CFI: variants seen among roughly 807,000 people sequenced by gnomAD.
CFI encodes complement factor I.
A neutral mutation model predicts 78.8 loss-of-function variants in CFI; 66 were observed. The ratio of observed to expected loss-of-function variants is 0.84; its 90% CI spans 0.69 to 1.03. The LOEUF (loss-of-function observed/expected upper bound fraction) is 1.03. CFI is among the 50% of genes least tolerant of loss of function. The pLI is 0.00. For synonymous variants in CFI, 250 were observed against 232.6 expected (o/e 1.07, Z -0.68); for missense variants, 706 against 704.5 (o/e 1.00, Z -0.02).
chr4:109,738,032 C>A (rs76335033), downstream of CFI, among the ~76,000 whole-genome samples: 1 of 152,004 alleles, frequency 6.6e-6, no homozygotes, highest in South Asian at 2.1e-4. Flanking sequence ...TGGCTTGGCC[C>A]TTTTGGGGGC....
rs371791345 is a variant in CFI, at chr4:109,775,476, T to A, written c.58-8652A>T. ...AGGGGCGTCTGCCATTGCTGAGGCT[T>A]GAGTAGGTAAACAAAGCATCCTGGA... is the stretch of plus-strand genomic sequence containing the variant. On this transcript the variant is annotated intron_variant, in intron 1 of 12. Transcript: ENST00000394634. Among the ~76,000 whole-genome samples the A allele has an allele frequency of 2.3e-3, 345 of 152,260 alleles. 1 individual carries two copies. The highest frequency in any genetic ancestry group is 7.4e-3 in the African/African-American group (309 of 41,558).
At chr4:109,781,829 T>C (rs188321656) in intron 1 of CFI, among the ~76,000 whole-genome samples, 41 of 152,282 alleles carry the variant, frequency 2.7e-4, no homozygotes, top group African/African-American at 9.1e-4. Flanking sequence ...GTAGGCTTCA[T>C]ACCAGGGATG....
chr4:109,736,394 C>T (rs1221677279), downstream of CFI, among the ~76,000 whole-genome samples: 1 of 150,932 alleles, frequency 6.6e-6, no homozygotes, highest in African/African-American at 2.4e-5. Flanking sequence ...CGCACCAAGG[C>T]TAGAAGTTTC....
chr4:109,772,079 C>T (rs1006605016), intron 1 of CFI, among the ~76,000 whole-genome samples: 2 of 152,190 alleles, frequency 1.3e-5, no homozygotes, highest in Non-Finnish European at 2.9e-5. Context: ...TTTTAAATTT[C>T]AGATGGATGG....
chr4:109,775,275 C>T (rs1422285011), intron 1 of CFI, among the ~76,000 whole-genome samples: 1 of 152,128 alleles, frequency 6.6e-6, no homozygotes, highest in East Asian at 1.9e-4. Context: ...CAGATGGTAC[C>T]TGGAAAATTG....
intron 12 of CFI, chr4:109,741,783 GTC>G (rs1723825417): frequency 5.8e-5 from 9 of 155,130 alleles, no homozygotes; most frequent in African/African-American, 2.2e-4. Flanking sequence ...GTTATAGGAT[GTC>G]AATAACTGCC....
At chr4:109,800,608 C>T (rs1247886837) in intron 1 of CFI, among the ~76,000 whole-genome samples, 4 of 151,970 alleles carry the variant, frequency 2.6e-5, no homozygotes, top group African/African-American at 9.7e-5. Flanking sequence ...CCCCTAGTTT[C>T]CTTGTCTGAG....
chr4:109,773,541 G>C (rs770274785), intron 1 of CFI, among the ~76,000 whole-genome samples: 2 of 152,122 alleles, frequency 1.3e-5, no homozygotes, highest in African/African-American at 2.4e-5. Context: ...AAATTGTTGT[G>C]TTTTAGCCAC....
At chr4:109,768,353 AGAAAAAAAG>A (rs1728079422) in intron 1 of CFI, among the ~76,000 whole-genome samples, 1 of 150,342 alleles carries the variant, frequency 6.7e-6, no homozygotes, top group African/African-American at 2.4e-5. Context: ...AAAAAAAAAA[AGAAAAAAAG>A]AATCAGACAA....
chr4:109,756,955 AAGAAAG>A (rs1726353085), intron 7 of CFI, among the ~76,000 whole-genome samples: 1 of 144,618 alleles, frequency 6.9e-6, no homozygotes, highest in East Asian at 2.0e-4. Context: ...GAAAGAAAGA[AAGAAAG>A]AAAGAAAGAA....
At position 109,740,881 on chromosome 4, in the gene CFI, G is replaced by C; in HGVS notation, c.*12C>G. 6.3e-7 allele frequency: 1 copy of C among 1,597,966 alleles called. No homozygotes were observed. The highest frequency in any genetic ancestry group is 1.7e-5 in the Admixed American group (1 of 59,990). On this transcript the variant is annotated 3_prime_UTR_variant, in exon 13 of 13. Transcript: ENST00000394634. ...AGAGAAAAAGAATAGAATGAAGAGA[G>C]AGATCACAATTTTATACATTGTACT... is the stretch of plus-strand genomic sequence containing the variant.
intron 1 of CFI, among the ~76,000 whole-genome samples, chr4:109,797,680 A>G (rs545715466): frequency 1.2e-4 from 19 of 152,342 alleles, no homozygotes; most frequent in Admixed American, 4.6e-4. Flanking sequence ...GTTAATATCT[A>G]TCTAAAATAC....
intron 10 of CFI, 141 bp from the exon 11 acceptor site, chr4:109,746,643 A>G (rs1266070634): frequency 7.2e-6 from 5 of 691,814 alleles, no homozygotes; most frequent in Non-Finnish European, 1.2e-5. Flanking sequence ...GTCATGAAGC[A>G]ATGAGATTAA....
chr4:109,754,429 ATCT>A (rs1725862997), intron 7 of CFI, among the ~76,000 whole-genome samples: 1 of 129,522 alleles, frequency 7.7e-6, no homozygotes, highest in Admixed American at 8.1e-5. Flanking sequence ...AAAAAAAAGA[ATCT>A]TCTTTTTTTT....
At chr4:109,800,521 C>G (rs1732650807) in intron 1 of CFI, among the ~76,000 whole-genome samples, 1 of 151,650 alleles carries the variant, frequency 6.6e-6, no homozygotes, top group Admixed American at 6.6e-5. Flanking sequence ...TGAACATCCT[C>G]TGGTTATTCC....
chr4:109,784,835 C>G (rs1483555187), intron 1 of CFI, among the ~76,000 whole-genome samples: 3 of 152,060 alleles, frequency 2.0e-5, no homozygotes, highest in Admixed American at 6.6e-5. Context: ...TGAGCCCAAG[C>G]TAAGCCATCA....
Position 109,740,930 on chromosome 4 carries a change from T to C in CFI, c.1715A>G (p.His572Arg), listed in dbSNP as rs1228689741. ...CTGAGAAATAAAAGGCCTTCCTACATGGTAGCTAATCCAGTCAAAATAATT... is the reference window on the plus strand; with the variant it reads ...CTGAGAAATAAAAGGCCTTCCTACACGGTAGCTAATCCAGTCAAAATAATT... ...VANYFDWISY[H>R]VGRPFISQYN... Residue 572 changes from histidine to arginine, a missense_variant, in exon 13 of 13, where the codon CAT becomes CGT. His to Arg is a conservative substitution (Grantham distance 29). Coordinates refer to ENST00000394634, the MANE Select transcript of CFI (RefSeq NM_000204.5). 2.5e-6 allele frequency: 4 copies of C among 1,614,030 alleles called. No homozygotes were observed. Among genetic ancestry groups the C allele is most frequent in the South Asian group, 2.2e-5 (2 of 91,090 alleles).
At chr4:109,771,714 C>CAAAAAAAAAAAAAAA (rs149565381) in intron 1 of CFI, among the ~76,000 whole-genome samples, 1 of 18,116 alleles carries the variant, frequency 5.5e-5, no homozygotes, top group Non-Finnish European at 1.2e-4. Flanking sequence ...ACTCCATCAC[C>CAAAAAAAAAAAAAAA]AAAAAAAAAA....
At chr4:109,780,469 A>T (rs1729862576) in intron 1 of CFI, among the ~76,000 whole-genome samples, 1 of 152,194 alleles carries the variant, frequency 6.6e-6, no homozygotes, top group Non-Finnish European at 1.5e-5. Flanking sequence ...ACCAGTTAGA[A>T]TGGCGATCAT....
Sources: gnomAD v4.1 joint callset for allele counts (sites outside exome capture counted in the v4.1 genomes callset) on GRCh38, gnomAD v4.1.1 for gene constraint, MANE v1.5 for transcripts, NCBI Gene and HGNC (gene_info 2026-07-23, HGNC 2026-07-21) for gene names.